ALPK1: variants seen among roughly 807,000 people sequenced by gnomAD.
The protein encoded by ALPK1 is alpha-protein kinase 1.
Under a neutral mutation model 120.6 loss-of-function variants are expected in ALPK1, and 110 were observed. That is an observed-to-expected ratio of 0.91 (90% CI 0.78 to 1.07). ALPK1 has a LOEUF of 1.07. Ranked by LOEUF, ALPK1 falls within the 50% of genes least tolerant of loss-of-function variation. The pLI is 0.00. For missense variants in ALPK1, 1,498 were observed against 1,483.9 expected (o/e 1.01, Z -0.16); for synonymous variants, 582 against 560.3 (o/e 1.04, Z -0.55).
intron 5 of ALPK1, among the ~76,000 whole-genome samples, chr4:112,419,805 G>A (rs1216664340): frequency 2.6e-5 from 4 of 152,200 alleles, no homozygotes; most frequent in Admixed American, 1.3e-4. Flanking sequence ...TTCATGGCAG[G>A]CTGCCTTGGT....
At chr4:112,368,852 C>A (rs1165166389) in intron 2 of ALPK1, among the ~76,000 whole-genome samples, 1 of 152,144 alleles carries the variant, frequency 6.6e-6, no homozygotes, top group Non-Finnish European at 1.5e-5. Context: ...CAGTTTTATG[C>A]ATGGGGTGTG....
At chr4:112,349,799 G>A (rs1159916714) in intron 2 of ALPK1, among the ~76,000 whole-genome samples, 1 of 152,060 alleles carries the variant, frequency 6.6e-6, no homozygotes, top group Non-Finnish European at 1.5e-5. Flanking sequence ...TGATCCACCT[G>A]CCTCGGCCTC....
intron 11 of ALPK1, among the ~76,000 whole-genome samples, chr4:112,434,766 C>A (rs1476718339): frequency 6.6e-6 from 1 of 152,092 alleles, no homozygotes; most frequent in Non-Finnish European, 1.5e-5. Flanking sequence ...TTTGGGATCC[C>A]CAGGTAATAA....
chr4:112,358,891 T>G, intron 2 of ALPK1: 1 of 771,768 alleles, frequency 1.3e-6, no homozygotes, highest in South Asian at 1.3e-5. Context: ...GCGACCTGTC[T>G]TGGCCTCCTC....
chr4:112,440,752 T>A (rs1263618262), intron 14 of ALPK1, among the ~76,000 whole-genome samples, 165 bp from the exon 15 acceptor site: 1 of 152,058 alleles, frequency 6.6e-6, no homozygotes, highest in Non-Finnish European at 1.5e-5. Flanking sequence ...TCCAAATTCC[T>A]TACCAGGAAT....
intron 4 of ALPK1, among the ~76,000 whole-genome samples, chr4:112,400,963 A>T (rs1732882389): frequency 6.6e-6 from 1 of 152,172 alleles, no homozygotes; most frequent in African/African-American, 2.4e-5. Flanking sequence ...TGTTGGGGAA[A>T]GAGCCTGGAA....
chr4:112,365,927 G>A (rs1014882329), intron 2 of ALPK1, among the ~76,000 whole-genome samples: 3 of 152,032 alleles, frequency 2.0e-5, no homozygotes, highest in South Asian at 2.1e-4. Context: ...ACTGATCTTC[G>A]ACAAAGTAAA....
At chr4:112,432,663 T>C (rs1734625994) in intron 11 of ALPK1, 82 bp downstream of exon 11, 1 of 1,333,706 alleles carries the variant, frequency 7.5e-7, no homozygotes, top group Non-Finnish European at 1.0e-6. Context: ...TGTAGATCAC[T>C]TAAAGCTCAT....
chr4:112,301,593 T>C (rs1727789518), intron 1 of ALPK1, among the ~76,000 whole-genome samples: 1 of 152,154 alleles, frequency 6.6e-6, no homozygotes. Flanking sequence ...TAAAGTGACC[T>C]CTGATCACCT....
chr4:112,333,602 G>A (rs1332300631), intron 2 of ALPK1, among the ~76,000 whole-genome samples: 1 of 152,182 alleles, frequency 6.6e-6, no homozygotes, highest in Non-Finnish European at 1.5e-5. Context: ...TCACCTACCA[G>A]AACTAGCGCA....
At chr4:112,436,985 C>G (rs1289301898) in intron 12 of ALPK1, among the ~76,000 whole-genome samples, 1 of 152,018 alleles carries the variant, frequency 6.6e-6, no homozygotes, top group Admixed American at 6.6e-5. Flanking sequence ...TGCCAAAATA[C>G]ACTAATCTTG....
chr4:112,404,263 G>T (rs1449236806), intron 4 of ALPK1, among the ~76,000 whole-genome samples: 2 of 152,230 alleles, frequency 1.3e-5, no homozygotes, highest in Non-Finnish European at 2.9e-5. Flanking sequence ...GAGTCTGTCT[G>T]TGCCTGTTTA....
At chr4:112,319,222 T>G (rs372254673) in intron 2 of ALPK1, among the ~76,000 whole-genome samples, 2 of 152,086 alleles carry the variant, frequency 1.3e-5, no homozygotes, top group African/African-American at 4.8e-5. Flanking sequence ...TGAGGTGAGG[T>G]TGGCAGCTTT....
Position 112,306,228 on chromosome 4 carries a change from T to C in ALPK1, c.-153+8759T>C, listed in dbSNP as rs1315930885. Among the ~76,000 whole-genome samples, 4 of 152,176 alleles carry C rather than the reference T, an allele frequency of 2.6e-5. No homozygotes were observed. The East Asian group carries it at 7.7e-4, about 29-fold the overall frequency. ...AAATTCTCTTTTTTTGTTGTGTCTC[T>C]GCCAGGCTTTGGTATCAGGATGATG... On this transcript the variant is annotated intron_variant, in intron 1 of 15. Coordinates refer to ENST00000650871, the MANE Select transcript of ALPK1 (RefSeq NM_025144.4).
At chr4:112,415,511 C>T (rs932603763) in intron 5 of ALPK1, among the ~76,000 whole-genome samples, 2 of 151,934 alleles carry the variant, frequency 1.3e-5, no homozygotes, top group African/African-American at 4.8e-5. Flanking sequence ...GTGGCAGGCG[C>T]ACGAAATCCC....
At chr4:112,302,450 CTG>C (rs1438857761) in intron 1 of ALPK1, 1 of 152,462 alleles carries the variant, frequency 6.6e-6, no homozygotes, top group Non-Finnish European at 1.5e-5. Context: ...AGCTCCAGTT[CTG>C]CCACCTCACT....
chr4:112,382,276 A>C, intron 3 of ALPK1, 122 bp from the exon 4 acceptor site: 2 of 1,179,512 alleles, frequency 1.7e-6, no homozygotes, highest in Non-Finnish European at 2.3e-6. Context: ...AGAGGCAGGG[A>C]AAAGGTTTTT....
At chr4:112,392,675 T>A (rs768450996) in intron 4 of ALPK1, among the ~76,000 whole-genome samples, 1 of 152,246 alleles carries the variant, frequency 6.6e-6, no homozygotes, top group Non-Finnish European at 1.5e-5. Flanking sequence ...TACAGGTGCA[T>A]GTCACCATGC....
At chr4:112,347,485 A>G (rs577825133) in intron 2 of ALPK1, among the ~76,000 whole-genome samples, 1 of 152,346 alleles carries the variant, frequency 6.6e-6, no homozygotes, top group East Asian at 1.9e-4. Context: ...TTTTCTTCTA[A>G]GTAGTATAAT....
Sources: gnomAD v4.1 joint callset for allele counts (sites outside exome capture counted in the v4.1 genomes callset) on GRCh38, gnomAD v4.1.1 for gene constraint, MANE v1.5 for transcripts, NCBI Gene and HGNC (gene_info 2026-07-23, HGNC 2026-07-21) for gene names.